The following VAV3 variants were observed in gnomAD, a reference collection of about 807,000 sequenced individuals.
VAV3 encodes vav guanine nucleotide exchange factor 3, also known as guanine nucleotide exchange factor VAV3.
A neutral mutation model predicts 131.2 loss-of-function variants in VAV3; 94 were observed. The ratio of observed to expected loss-of-function variants is 0.72; its 90% CI spans 0.61 to 0.85. VAV3 has a LOEUF of 0.85. Among genes scored for constraint, VAV3 ranks in the 40% least tolerant of loss-of-function variants. The pLI, the probability that VAV3 is intolerant of heterozygous loss-of-function variation, is 0.00. For synonymous variants in VAV3, 349 were observed against 342.0 expected, an observed-to-expected ratio of 1.02 and a Z score of -0.22; for missense variants, 939 against 1,002.7, an observed-to-expected ratio of 0.94 and a Z score of 0.86.
intron 20 of VAV3, among the ~76,000 whole-genome samples, chr1:107,626,291 C>A (rs1654009965): frequency 6.6e-6 from 1 of 152,142 alleles, no homozygotes; most frequent in African/African-American, 2.4e-5. Flanking sequence ...GACAATCACC[C>A]AGGGAAAATG....
chr1:107,710,669 G>A (rs1660733940), intron 15 of VAV3, among the ~76,000 whole-genome samples: 1 of 151,996 alleles, frequency 6.6e-6, no homozygotes, highest in African/African-American at 2.4e-5. Flanking sequence ...ATTACAATAA[G>A]CCTACTACTT....
chr1:107,618,472 A>G (rs1468689087), intron 20 of VAV3, among the ~76,000 whole-genome samples: 1 of 152,222 alleles, frequency 6.6e-6, no homozygotes, highest in Admixed American at 6.5e-5. Flanking sequence ...ACTTATTAAC[A>G]GAAGAAGACC....
chr1:107,741,515 T>C (rs1462456021), intron 15 of VAV3, among the ~76,000 whole-genome samples: 1 of 152,138 alleles, frequency 6.6e-6, no homozygotes, highest in Non-Finnish European at 1.5e-5. Flanking sequence ...AGGGAACACA[T>C]GCATGACATA....
intron 1 of VAV3, among the ~76,000 whole-genome samples, chr1:107,914,925 C>A (rs1199640920): frequency 2.0e-5 from 3 of 152,204 alleles, no homozygotes; most frequent in Admixed American, 1.3e-4. Flanking sequence ...GCAAACCCTG[C>A]AGGTGGAACT....
At chr1:107,764,095 A>C (rs969447589) in intron 9 of VAV3, among the ~76,000 whole-genome samples, 13 of 151,918 alleles carry the variant, frequency 8.6e-5, no homozygotes, top group African/African-American at 2.9e-4. Flanking sequence ...AACAAAAAAC[A>C]AAAAACAAAA....
intron 19 of VAV3, among the ~76,000 whole-genome samples, chr1:107,672,963 G>A (rs1477788420): frequency 6.6e-6 from 1 of 152,096 alleles, no homozygotes; most frequent in Non-Finnish European, 1.5e-5. Flanking sequence ...TTTCTAAAAG[G>A]TAAATTTGGC....
chr1:107,734,182 G>A (rs1026240355), intron 15 of VAV3, among the ~76,000 whole-genome samples: 2 of 152,094 alleles, frequency 1.3e-5, no homozygotes, highest in East Asian at 1.9e-4. Flanking sequence ...TCACCACCAG[G>A]CCTGCCTTAC....
intron 2 of VAV3, among the ~76,000 whole-genome samples, chr1:107,870,724 C>T (rs1181803346): frequency 6.6e-6 from 1 of 152,144 alleles, no homozygotes; most frequent in African/African-American, 2.4e-5. Flanking sequence ...TAAGCTGATG[C>T]TCTGAATTCC....
At chr1:107,577,153 C>A (rs572038255) in intron 25 of VAV3, among the ~76,000 whole-genome samples, 34 of 152,260 alleles carry the variant, frequency 2.2e-4, no homozygotes, top group African/African-American at 8.2e-4. Flanking sequence ...GTCTTAGGTA[C>A]CATGCTGAAA....
chr1:107,781,440 T>C (rs891983875), intron 2 of VAV3, among the ~76,000 whole-genome samples: 3 of 152,238 alleles, frequency 2.0e-5, no homozygotes, highest in African/African-American at 4.8e-5. Flanking sequence ...GCAATACATA[T>C]GTTAATTAGC....
At chr1:107,691,006 A>T (rs932546112) in intron 17 of VAV3, among the ~76,000 whole-genome samples, 3 of 152,184 alleles carry the variant, frequency 2.0e-5, no homozygotes, top group South Asian at 2.1e-4. Context: ...GAATAAGGCA[A>T]AACCCAAAGG....
intron 19 of VAV3, among the ~76,000 whole-genome samples, 174 bp downstream of exon 19, chr1:107,683,314 G>C (rs959223881): frequency 3.3e-5 from 5 of 152,224 alleles, no homozygotes; most frequent in African/African-American, 1.2e-4. Context: ...GTTGCTGGTA[G>C]TTACTCATGT....
chr1:107,949,756 CATA>C (rs1674445953), intron 1 of VAV3, among the ~76,000 whole-genome samples: 1 of 152,156 alleles, frequency 6.6e-6, no homozygotes, highest in Admixed American at 6.6e-5. Context: ...TTCTATTTGT[CATA>C]ATAATCTCAA....
intron 2 of VAV3, among the ~76,000 whole-genome samples, chr1:107,849,889 A>C (rs1014060087): frequency 2.6e-5 from 4 of 151,720 alleles, no homozygotes; most frequent in South Asian, 2.1e-4. Context: ...ACAAACAAAC[A>C]ACCCCATCAA....
intron 17 of VAV3, among the ~76,000 whole-genome samples, chr1:107,692,898 C>G (rs1331159102): frequency 6.6e-6 from 1 of 152,160 alleles, no homozygotes; most frequent in Non-Finnish European, 1.5e-5. Context: ...TCCAATGTTA[C>G]TTTGTTTAAA....
intron 1 of VAV3, among the ~76,000 whole-genome samples, chr1:107,928,405 G>C (rs1673261895): frequency 6.6e-6 from 1 of 152,120 alleles, no homozygotes; most frequent in African/African-American, 2.4e-5. Context: ...CTCACCTAAT[G>C]AACTAAATTA....
intron 25 of VAV3, among the ~76,000 whole-genome samples, chr1:107,593,996 C>G (rs977612393): frequency 6.6e-6 from 1 of 152,016 alleles, no homozygotes; most frequent in African/African-American, 2.4e-5. Context: ...TCAGAACCAT[C>G]TTAGTCTTCC....
At chr1:107,813,265 A>G (rs1157566904) in intron 2 of VAV3, among the ~76,000 whole-genome samples, 1 of 152,192 alleles carries the variant, frequency 6.6e-6, no homozygotes, top group African/African-American at 2.4e-5. Flanking sequence ...AAGGAGAGAC[A>G]AGCTACACTC....
At chr1:107,930,102 G>T (rs1447544637) in intron 1 of VAV3, among the ~76,000 whole-genome samples, 1 of 152,072 alleles carries the variant, frequency 6.6e-6, no homozygotes, top group Non-Finnish European at 1.5e-5. Flanking sequence ...AAAAAATAGA[G>T]TAAGATATAC....
Sources: gnomAD v4.1 joint callset for allele counts (sites outside exome capture counted in the v4.1 genomes callset) on GRCh38, gnomAD v4.1.1 for gene constraint, MANE v1.5 for transcripts, NCBI Gene and HGNC (gene_info 2026-07-23, HGNC 2026-07-21) for gene names.